GALNT14: variants seen among roughly 807,000 people sequenced by gnomAD.
The protein encoded by GALNT14 is UDP-GalNAc:polypeptide N-acetylgalactosaminyltransferase 14.
A neutral mutation model predicts 77.5 loss-of-function variants in GALNT14; 60 were observed. The ratio of observed to expected loss-of-function variants is 0.77; its 90% CI spans 0.63 to 0.96. The LOEUF (loss-of-function observed/expected upper bound fraction) is 0.96, where lower values mean the gene tolerates loss of function less well. Ranked by LOEUF, GALNT14 falls within the 40% of genes least tolerant of loss-of-function variation. GALNT14 has a pLI of 0.00. For missense variants in GALNT14, 710 were observed against 731.0 expected (o/e 0.97, Z 0.33); for synonymous variants, 280 against 281.7 (o/e 0.99, Z 0.06).
intron 1 of GALNT14, among the ~76,000 whole-genome samples, chr2:31,005,932 G>A (rs1193256321): frequency 1.3e-5 from 2 of 152,234 alleles, no homozygotes; most frequent in Non-Finnish European, 2.9e-5. Flanking sequence ...GAGAGTGGGG[G>A]CTGGAGCCAG....
At position 30,910,598 on chromosome 2, in the gene GALNT14, G is replaced by A. The variant is rs1415485530; in HGVS notation, c.*303C>T. The A allele has an allele frequency of 3.7e-6, 1 of 273,310 alleles. No individual in the cohort carries two copies. Among genetic ancestry groups the A allele is most frequent in the East Asian group, 7.5e-5 (1 of 13,288 alleles). The allele number at this position is 273,310 out of a possible 1,614,324, so 16.9% of individuals were successfully genotyped here. A position where few individuals can be genotyped will look rare whatever the true frequency, so the allele number is the denominator to read the frequency against. On this transcript the variant is annotated 3_prime_UTR_variant, in exon 15 of 15. Coordinates refer to ENST00000349752, the MANE Select transcript of GALNT14 (RefSeq NM_024572.4). ...GCCTCCAGAGACTGCTTCCTTTGTA[G>A]GAAAAGGAACAATAAACACTTCCCA... is the stretch of plus-strand genomic sequence containing the variant.
At chr2:31,121,757 C>T (rs1429246818) in intron 1 of GALNT14, among the ~76,000 whole-genome samples, 1 of 152,084 alleles carries the variant, frequency 6.6e-6, no homozygotes, top group Non-Finnish European at 1.5e-5. Context: ...TGGTGTTAGT[C>T]ATGTCCCCTC....
At chr2:31,077,569 TCAGGG>T (rs1372279695) in intron 1 of GALNT14, among the ~76,000 whole-genome samples, 2 of 152,214 alleles carry the variant, frequency 1.3e-5, no homozygotes, top group Admixed American at 1.3e-4. Flanking sequence ...AGCCCCTTTA[TCAGGG>T]CAAATGAAAG....
chr2:30,969,295 C>T (rs1668198535), intron 2 of GALNT14, among the ~76,000 whole-genome samples: 1 of 152,246 alleles, frequency 6.6e-6, no homozygotes, highest in Non-Finnish European at 1.5e-5. Context: ...GGGAAAGATG[C>T]TCTGAAATCC....
chr2:30,974,197 A>C (rs1668512728), intron 2 of GALNT14, among the ~76,000 whole-genome samples: 1 of 152,176 alleles, frequency 6.6e-6, no homozygotes, highest in South Asian at 2.1e-4. Context: ...ATATTCTCTA[A>C]TCCTGCCTCT....
At chr2:31,098,637 G>A (rs1490530120) in intron 1 of GALNT14, among the ~76,000 whole-genome samples, 1 of 152,082 alleles carries the variant, frequency 6.6e-6, no homozygotes, top group Non-Finnish European at 1.5e-5. Flanking sequence ...CCCTTGAGCA[G>A]TGTGGGGGTT....
chr2:31,079,412 AG>A (rs1305114673), intron 1 of GALNT14, among the ~76,000 whole-genome samples: 1 of 152,204 alleles, frequency 6.6e-6, no homozygotes, highest in East Asian at 1.9e-4. Context: ...CTTACCTCTG[AG>A]GAAGAGCTGA....
At chr2:31,079,738 T>A (rs185705087) in intron 1 of GALNT14, among the ~76,000 whole-genome samples, 37 of 152,256 alleles carry the variant, frequency 2.4e-4, no homozygotes, top group African/African-American at 8.7e-4. Flanking sequence ...AAAGTGGTGG[T>A]ATCAGATAAG....
intron 4 of GALNT14, among the ~76,000 whole-genome samples, chr2:30,957,787 T>C (rs571723733): frequency 4.6e-5 from 7 of 152,146 alleles, no homozygotes; most frequent in African/African-American, 1.4e-4. Context: ...GAAGAGGGTG[T>C]TCTGCTTGGT....
At chr2:31,093,649 T>C (rs1340048066) in intron 1 of GALNT14, among the ~76,000 whole-genome samples, 1 of 152,222 alleles carries the variant, frequency 6.6e-6, no homozygotes, top group Non-Finnish European at 1.5e-5. Context: ...ATCACGCCAC[T>C]CTGTTGTGAA....
At chr2:31,017,957 C>G (rs1671478288) in intron 1 of GALNT14, among the ~76,000 whole-genome samples, 3 of 152,332 alleles carry the variant, frequency 2.0e-5, no homozygotes, top group African/African-American at 7.2e-5. Context: ...GTTATGGTGA[C>G]AAGGGTAAAA....
chr2:30,954,842 C>T (rs1478376583), intron 6 of GALNT14, among the ~76,000 whole-genome samples: 1 of 152,146 alleles, frequency 6.6e-6, no homozygotes, highest in Non-Finnish European at 1.5e-5. Context: ...TGACTGTTTC[C>T]TCTTTAGTGA....
At position 30,958,426 on chromosome 2, in the gene GALNT14, A is replaced by G. The variant is rs751351453; in HGVS notation, c.437T>C (p.Ile146Thr). Residue 146 changes from isoleucine (I) to threonine (T), a missense_variant, in exon 4 of 15, where the codon ATC becomes ACC. Transcript: ENST00000349752. ...NRTPTHLIRE[I>T]ILVDDFSNDP... ...ATTGCTGAAGTCATCCACTAATATG[A>G]TTTCCCGGATCAGATGCGTAGGGGT... 1 of 1,614,040 alleles carries G rather than the reference A, an allele frequency of 6.2e-7. No homozygotes were observed. The highest frequency in any genetic ancestry group is 8.5e-7 in the Non-Finnish European group (1 of 1,179,986).
At chr2:31,010,504 A>C (rs539495253) in intron 1 of GALNT14, among the ~76,000 whole-genome samples, 1 of 152,210 alleles carries the variant, frequency 6.6e-6, no homozygotes, top group Admixed American at 6.5e-5. Flanking sequence ...AGTCCCAGCT[A>C]CTTGGGAGGC....
intron 1 of GALNT14, among the ~76,000 whole-genome samples, chr2:31,098,982 G>A (rs1200073817): frequency 2.6e-5 from 4 of 152,206 alleles, no homozygotes; most frequent in African/African-American, 9.6e-5. Context: ...TGGTCTTGCT[G>A]TGTCAGGGGT....
chr2:31,107,423 G>A (rs1226279447), intron 1 of GALNT14, among the ~76,000 whole-genome samples: 1 of 152,068 alleles, frequency 6.6e-6, no homozygotes, highest in Non-Finnish European at 1.5e-5. Context: ...CTCCTGCTCA[G>A]GACAGCCCTT....
At chr2:31,064,892 G>A (rs1361064152) in intron 1 of GALNT14, among the ~76,000 whole-genome samples, 1 of 151,696 alleles carries the variant, frequency 6.6e-6, no homozygotes, top group East Asian at 1.9e-4. Flanking sequence ...TTGATCTCCA[G>A]AATAAACAAA....
At chr2:31,018,454 G>A (rs1460371395) in intron 1 of GALNT14, among the ~76,000 whole-genome samples, 1 of 152,156 alleles carries the variant, frequency 6.6e-6, no homozygotes, top group African/African-American at 2.4e-5. Flanking sequence ...GACAGAGAGT[G>A]GTAGGCAAAT....
intron 1 of GALNT14, among the ~76,000 whole-genome samples, chr2:31,002,704 C>A (rs937115714): frequency 6.6e-6 from 1 of 152,164 alleles, no homozygotes; most frequent in Non-Finnish European, 1.5e-5. Context: ...ACCATATGCT[C>A]CCATATCATA....
Sources: allele counts gnomAD v4.1 joint callset (sites outside exome capture counted in the v4.1 genomes callset), GRCh38; gene constraint gnomAD v4.1.1; transcripts MANE v1.5; gene names NCBI Gene and HGNC (gene_info 2026-07-23, HGNC 2026-07-21).